Variants in ACACA observed in about 807,000 individuals in gnomAD.
ACACA encodes the protein acetyl-CoA carboxylase alpha, also known as acetyl-CoA carboxylase 1.
Under a neutral mutation model 296.1 loss-of-function variants are expected in ACACA, and 103 were observed. That is an observed-to-expected ratio of 0.35 (90% CI 0.30 to 0.41). The LOEUF (loss-of-function observed/expected upper bound fraction) is 0.41. Ranked by LOEUF, ACACA falls within the 10% of genes least tolerant of loss-of-function variation. The pLI, the probability that ACACA is intolerant of heterozygous loss-of-function variation, is 1.00. For synonymous variants in ACACA, 953 were observed against 1,038.6 expected (o/e 0.92, Z 1.58); for missense variants, 1,554 against 2,989.7 (o/e 0.52, Z 11.20).
intron 29 of ACACA, among the ~76,000 whole-genome samples, chr17:37,216,208 G>GTGTATATA (rs1392164501): frequency 6.2e-5 from 9 of 144,078 alleles, no homozygotes; most frequent in African/African-American, 2.3e-4. Flanking sequence ...GTGTGTGTGT[G>GTGTATATA]TATATATATA....
At chr17:37,247,112 A>G in intron 18 of ACACA, 136 bp from the exon 19 acceptor site, 1 of 929,366 alleles carries the variant, frequency 1.1e-6, no homozygotes, top group Non-Finnish European at 1.7e-6. Flanking sequence ...TTCACTGCAT[A>G]TTTGTTTACA....
chr17:37,085,676 C>T lies in ACACA; in HGVS notation c.*1640G>A, dbSNP rs184778331. Reference sequence around the variant, plus strand: ...GAGGCTCTGACTCCTGGGGGCTGTCCGCTCCATACCCAGCCATACAGTGCC... The same window carrying T: ...GAGGCTCTGACTCCTGGGGGCTGTCTGCTCCATACCCAGCCATACAGTGCC... On this transcript the variant is annotated 3_prime_UTR_variant, in exon 56 of 56. Transcript: ENST00000616317. 27 of 399,080 alleles carry T rather than the reference C, an allele frequency of 6.8e-5. No individual in the cohort carries two copies. Among genetic ancestry groups the T allele is most frequent in the Admixed American group, 4.4e-4 (10 of 22,728 alleles). 24.7% of individuals were successfully genotyped at this position (399,080 alleles called of 1,614,324 possible).
At chr17:37,241,345 CAGAAGAAAA>C (rs2080393909) in intron 23 of ACACA, among the ~76,000 whole-genome samples, 1 of 152,070 alleles carries the variant, frequency 6.6e-6, no homozygotes, top group Admixed American at 6.5e-5. Flanking sequence ...GGCCCTGTGA[CAGAAGAAAA>C]ATTAGGAGCT....
intron 3 of ACACA, among the ~76,000 whole-genome samples, chr17:37,291,596 G>A (rs1470887272): frequency 2.6e-5 from 4 of 152,154 alleles, no homozygotes; most frequent in Non-Finnish European, 4.4e-5. Flanking sequence ...TGATTTGGAC[G>A]AGCTTACTTT....
At chr17:37,130,267 G>GAGCCCCGTCTCCCTCTCCCGTCTCCCTCT in intron 45 of ACACA, 49 bp from the exon 46 acceptor site, 1 of 1,608,428 alleles carries the variant, frequency 6.2e-7, no homozygotes, top group Non-Finnish European at 8.5e-7. Context: ...AGAAATAAAG[G>GAGCCCCGTCTCCCTCTCCCGTCTCCCTCT]CATGGTCGAT....
At chr17:37,155,503 A>C (rs190390366) in intron 43 of ACACA, among the ~76,000 whole-genome samples, 180 bp downstream of exon 43, 3 of 152,318 alleles carry the variant, frequency 2.0e-5, no homozygotes, top group African/African-American at 7.2e-5. Context: ...TAAAAACTTC[A>C]ATCAATAACC....
Position 37,113,284 on chromosome 17 carries a change from A to G in ACACA, c.6275-19T>C. On this transcript the variant is annotated intron_variant, in intron 50 of 55. Coordinates refer to ENST00000616317, the MANE Select transcript of ACACA (RefSeq NM_198834.3). The surrounding 1 kb of genome is among the most constrained non-coding windows in gnomAD (Gnocchi z 4.0). ...TACATATCTATGGAGAATGAGACAA[A>G]TTAGAAATCAAGAAATTTCTCTTCC... is the stretch of plus-strand genomic sequence containing the variant. 1 of 1,613,016 alleles carries G rather than the reference A, an allele frequency of 6.2e-7. No homozygotes were observed. The highest frequency in any genetic ancestry group is 8.5e-7 in the Non-Finnish European group (1 of 1,179,222).
chr17:37,272,049 A>C (rs1009917406), intron 9 of ACACA, among the ~76,000 whole-genome samples: 9 of 152,106 alleles, frequency 5.9e-5, no homozygotes, highest in Non-Finnish European at 8.8e-5. Flanking sequence ...AATATCTTTA[A>C]AATGTATCAC....
At chr17:37,203,750 AC>A (rs1239005432) in intron 33 of ACACA, among the ~76,000 whole-genome samples, 1 of 148,144 alleles carries the variant, frequency 6.8e-6, no homozygotes, top group Non-Finnish European at 1.5e-5. Flanking sequence ...TCTCAAAAAA[AC>A]AAAACAAAAC....
chr17:37,130,309 T>C, intron 45 of ACACA, 91 bp from the exon 46 acceptor site: 2 of 1,487,280 alleles, frequency 1.3e-6, no homozygotes, highest in Non-Finnish European at 1.9e-6. Context: ...GGTTCTTTTC[T>C]CCACAAAACA....
At chr17:37,256,607 C>T (rs2081240627) in intron 14 of ACACA, among the ~76,000 whole-genome samples, 1 of 152,100 alleles carries the variant, frequency 6.6e-6, no homozygotes, top group African/African-American at 2.4e-5. Flanking sequence ...TGGTGCACAC[C>T]TGCAGTCCCA....
At chr17:37,166,960 T>C (rs542010776) in intron 41 of ACACA, among the ~76,000 whole-genome samples, 1 of 152,200 alleles carries the variant, frequency 6.6e-6, no homozygotes, top group South Asian at 2.1e-4. Context: ...TTATTTTTTT[T>C]TTGAGATGGA....
chr17:37,332,675 G>A (rs2047939187), intron 2 of ACACA, among the ~76,000 whole-genome samples: 1 of 151,942 alleles, frequency 6.6e-6, no homozygotes, highest in Admixed American at 6.6e-5. Flanking sequence ...ACTTTGGTAG[G>A]CCGAGGTGGG....
At chr17:37,131,055 C>G in intron 45 of ACACA, among the ~76,000 whole-genome samples, 1 of 149,762 alleles carries the variant, frequency 6.7e-6, no homozygotes, top group African/African-American at 2.4e-5. Context: ...ACATGAACCC[C>G]TGAGTCTCAA....
rs2083492457 is a variant in ACACA at position 37,299,132 on chromosome 17, AT to A, written c.339-14163del. ...TAGACATTCAGGAGCCAATATGCCC[AT>A]TTTTATTCATTTTCTTAAAAAAAAT... On this transcript the variant is annotated intron_variant, in intron 3 of 55. Coordinates refer to ENST00000616317, the MANE Select transcript of ACACA (RefSeq NM_198834.3). 4.9e-6 allele frequency: 4 copies of A among 822,766 alleles called. No homozygotes were observed. The Admixed American group carries it at 8.6e-5, about 18-fold the overall frequency. 51.0% of individuals were successfully genotyped at this position (822,766 alleles called of 1,614,324 possible).
At chr17:37,149,837 T>C in intron 45 of ACACA, 27 bp downstream of exon 45, 5 of 1,582,906 alleles carry the variant, frequency 3.2e-6, no homozygotes, top group African/African-American at 1.3e-5. Flanking sequence ...CAGCTATGCA[T>C]ACTTCTTCAA....
At chr17:37,145,899 T>C (rs1017429215) in intron 45 of ACACA, among the ~76,000 whole-genome samples, 1 of 152,060 alleles carries the variant, frequency 6.6e-6, no homozygotes, top group Non-Finnish European at 1.5e-5. Context: ...ATTTTACAAA[T>C]AACTGCAGGC....
At chr17:37,383,297 G>A (rs1714986) in intron 1 of ACACA, among the ~76,000 whole-genome samples, 17,777 of 152,092 alleles carry the variant, frequency 0.12, 1,217 homozygotes, top group East Asian at 0.25. Context: ...GAGGGGTTAA[G>A]GGGGAGGAGA....
At chr17:37,106,749 G>A (rs774048998) in intron 52 of ACACA, among the ~76,000 whole-genome samples, 3 of 152,054 alleles carry the variant, frequency 2.0e-5, no homozygotes, top group African/African-American at 2.4e-5. Flanking sequence ...GTCAGGATAC[G>A]GGGATCTGGT....
Sources: allele counts gnomAD v4.1 joint callset (sites outside exome capture counted in the v4.1 genomes callset), GRCh38; gene constraint gnomAD v4.1.1; non-coding constraint Gnocchi (gnomAD v3.1); transcripts MANE v1.5; gene names NCBI Gene and HGNC (gene_info 2026-07-23, HGNC 2026-07-21).